Variants in MRRF observed in about 807,000 individuals in gnomAD.
MRRF encodes mitochondrial ribosome recycling factor, also known as ribosome-recycling factor, mitochondrial.
Under a neutral mutation model 25.1 loss-of-function variants are expected in MRRF, and 18 were observed. That is an observed-to-expected ratio of 0.72 (90% CI 0.50 to 1.06). MRRF has a LOEUF of 1.06. MRRF is among the 50% of genes least tolerant of loss of function. MRRF has a pLI of 0.00. For missense variants in MRRF, 323 were observed against 319.3 expected (o/e 1.01, Z -0.09); for synonymous variants, 113 against 112.1 (o/e 1.01, Z -0.05).
intron 5 of MRRF, among the ~76,000 whole-genome samples, chr9:122,299,900 C>A (rs1166795492): frequency 6.6e-6 from 1 of 152,140 alleles, no homozygotes; most frequent in East Asian, 1.9e-4. Flanking sequence ...TGGGGTTAGA[C>A]AGACCTGGCT....
At chr9:122,322,219 C>T (rs373102897) in intron 6 of MRRF, among the ~76,000 whole-genome samples, 8 of 152,150 alleles carry the variant, frequency 5.3e-5, no homozygotes, top group African/African-American at 1.9e-4. Context: ...AAAAATTAGC[C>T]GGGCGCGGTG....
chr9:122,293,346 T>C (rs1358528993), intron 5 of MRRF, among the ~76,000 whole-genome samples: 1 of 152,216 alleles, frequency 6.6e-6, no homozygotes, highest in Non-Finnish European at 1.5e-5. Flanking sequence ...GTTGTGGAAA[T>C]TTAGGCTCAT....
intron 4 of MRRF, chr9:122,286,105 G>C (rs1202218861): frequency 7.9e-7 from 1 of 1,269,242 alleles, no homozygotes; most frequent in Non-Finnish European, 1.0e-6. Context: ...CCAACTGGCT[G>C]TTTGACCTTG....
chr9:122,269,285 T>C (rs1050023176), intron 1 of MRRF, among the ~76,000 whole-genome samples: 2 of 152,220 alleles, frequency 1.3e-5, no homozygotes, highest in Non-Finnish European at 2.9e-5. Context: ...CAAGGTTATT[T>C]TTATCATTGA....
At chr9:122,296,809 A>T (rs1834115388) in intron 5 of MRRF, among the ~76,000 whole-genome samples, 1 of 152,146 alleles carries the variant, frequency 6.6e-6, no homozygotes, top group Non-Finnish European at 1.5e-5. Context: ...CTATGGGAAA[A>T]CCACACTAAG....
Position 122,324,148 on chromosome 9 carries a change from C to T in MRRF, c.*1531C>T, listed in dbSNP as rs1836039184. On this transcript the variant is annotated 3_prime_UTR_variant, in exon 7 of 7. Coordinates refer to ENST00000344641, the MANE Select transcript of MRRF (RefSeq NM_138777.5). ...GTCAGATCCCACAGGTTGAGGGCTCCATCTCCCAAGACTGCCAACACTTTT... is the reference window on the plus strand; with the variant it reads ...GTCAGATCCCACAGGTTGAGGGCTCTATCTCCCAAGACTGCCAACACTTTT... The T allele has an allele frequency of 6.6e-6, 1 of 152,160 alleles. No homozygotes were observed. The highest frequency in any genetic ancestry group is 6.5e-5 in the Admixed American group (1 of 15,278). 9.4% of individuals were successfully genotyped at this position (152,160 alleles called of 1,614,324 possible). A position where few individuals can be genotyped will look rare whatever the true frequency, so the allele number is the denominator to read the frequency against.
intron 6 of MRRF, 113 bp downstream of exon 6, chr9:122,313,499 A>G (rs983356156): frequency 1.2e-5 from 14 of 1,215,460 alleles, no homozygotes; most frequent in Non-Finnish European, 1.7e-5. Flanking sequence ...CATTCACATT[A>G]TCACCATTGT....
chr9:122,313,482 G>T, intron 6 of MRRF, 96 bp downstream of exon 6: 5 of 1,321,480 alleles, frequency 3.8e-6, no homozygotes, highest in Non-Finnish European at 5.5e-6. Flanking sequence ...GAATACCTCT[G>T]ATCTTTCATT....
intron 5 of MRRF, among the ~76,000 whole-genome samples, chr9:122,307,764 T>A (rs1291760438): frequency 7.9e-5 from 12 of 152,204 alleles, no homozygotes; most frequent in Admixed American, 7.9e-4. Flanking sequence ...GGATTTCAGC[T>A]TAGGTCTTTT....
intron 1 of MRRF, among the ~76,000 whole-genome samples, chr9:122,268,609 G>T (rs949696099): frequency 6.6e-6 from 1 of 152,244 alleles, no homozygotes; most frequent in Non-Finnish European, 1.5e-5. Context: ...TTCAGCATCT[G>T]TAAAATGGGG....
In MRRF at chr9:122,280,557, A is replaced by G. The variant is rs973500370; in HGVS notation, c.299A>G (p.Lys100Arg). The change falls in exon 3 of 7, where the codon AAG (lysine) becomes AGG (arginine). Residue 100 changes from lysine (K) to arginine (R), a missense_variant. Physicochemically the swap from Lys to Arg is conservative, Grantham distance 26. Coordinates refer to ENST00000344641, the MANE Select transcript of MRRF (RefSeq NM_138777.5). ...ATGAAGTCTGTGATAGAAGCTCTCAAGGATAATTTCAATAAGACTCTCAAT... is the reference window on the plus strand; with the variant it reads ...ATGAAGTCTGTGATAGAAGCTCTCAGGGATAATTTCAATAAGACTCTCAAT... ...EEMKSVIEALKDNFNKTLNIR... is the reference protein window; with the variant it reads ...EEMKSVIEALRDNFNKTLNIR... 2 of 1,614,090 alleles carry G rather than the reference A, an allele frequency of 1.2e-6. No homozygotes were observed.
intron 1 of MRRF, among the ~76,000 whole-genome samples, chr9:122,267,862 CATT>C (rs1832211588): frequency 6.6e-6 from 1 of 152,192 alleles, no homozygotes; most frequent in Non-Finnish European, 1.5e-5. Flanking sequence ...TTTAAAGTCT[CATT>C]AATATCACTA....
At chr9:122,286,222 T>C in intron 4 of MRRF, 1 of 1,283,870 alleles carries the variant, frequency 7.8e-7, no homozygotes, top group Non-Finnish European at 1.0e-6. Context: ...TCCAAAGTCA[T>C]AGACCAAGGT....
intron 4 of MRRF, among the ~76,000 whole-genome samples, chr9:122,291,260 T>G (rs1833743934): frequency 6.6e-6 from 1 of 152,220 alleles, no homozygotes; most frequent in Non-Finnish European, 1.5e-5. Context: ...GATTCATTGC[T>G]CATTCCAAAA....
intron 5 of MRRF, among the ~76,000 whole-genome samples, chr9:122,302,808 G>A (rs1053363879): frequency 6.6e-6 from 1 of 152,158 alleles, no homozygotes; most frequent in African/African-American, 2.4e-5. Context: ...CTTCCACAAG[G>A]ACTGCACATT....
chr9:122,309,531 T>C (rs1835076148), intron 5 of MRRF, among the ~76,000 whole-genome samples: 1 of 152,230 alleles, frequency 6.6e-6, no homozygotes, highest in Admixed American at 6.5e-5. Flanking sequence ...TTAGCCTCAG[T>C]ATCTCCACAT....
intron 1 of MRRF, among the ~76,000 whole-genome samples, chr9:122,270,528 C>T (rs538056771): frequency 4.6e-5 from 7 of 152,260 alleles, no homozygotes; most frequent in African/African-American, 1.7e-4. Context: ...TGCTTTTTCT[C>T]ATGTAAGGGT....
At chr9:122,312,394 C>T (rs1200608258) in intron 5 of MRRF, among the ~76,000 whole-genome samples, 1 of 152,188 alleles carries the variant, frequency 6.6e-6, no homozygotes, top group Non-Finnish European at 1.5e-5. Context: ...CTGTTCACTT[C>T]AGAGCTTATT....
At chr9:122,309,747 G>T (rs571474463) in intron 5 of MRRF, among the ~76,000 whole-genome samples, 1 of 152,230 alleles carries the variant, frequency 6.6e-6, no homozygotes, top group African/African-American at 2.4e-5. Context: ...CTGTCATAAT[G>T]TCTATAATGT....
Sources: gnomAD v4.1 joint callset for allele counts (sites outside exome capture counted in the v4.1 genomes callset) on GRCh38, gnomAD v4.1.1 for gene constraint, MANE v1.5 for transcripts, NCBI Gene and HGNC (gene_info 2026-07-23, HGNC 2026-07-21) for gene names.